The following INTS8 variants were observed in gnomAD, a reference collection of about 807,000 sequenced individuals.
INTS8 encodes protein kaonashi-1.
A neutral mutation model predicts 138.9 loss-of-function variants in INTS8; 47 were observed. That is an observed-to-expected ratio of 0.34 (90% CI 0.27 to 0.43). The LOEUF is 0.43. INTS8 is among the 20% of genes least tolerant of loss of function. The probability of loss-of-function intolerance (pLI) is 1.00; values close to 1 mark genes in which losing one functional copy is unlikely to be tolerated. For synonymous variants in INTS8, 392 were observed against 400.9 expected, an observed-to-expected ratio of 0.98 and a Z score of 0.27; for missense variants, 996 against 1,173.0, an observed-to-expected ratio of 0.85 and a Z score of 2.20.
chr8:94,861,606 G>A (rs1437356542), intron 16 of INTS8, among the ~76,000 whole-genome samples: 1 of 150,196 alleles, frequency 6.7e-6, no homozygotes, highest in African/African-American at 2.5e-5. Flanking sequence ...AGGCTGGCGT[G>A]CAATGGCACG....
intron 5 of INTS8, among the ~76,000 whole-genome samples, chr8:94,830,709 T>A (rs1814680808): frequency 6.6e-6 from 1 of 152,070 alleles, no homozygotes; most frequent in South Asian, 2.1e-4. Flanking sequence ...TGTTGTTCAG[T>A]CTGGTCTCGA....
chr8:94,834,362 GGTGTGTGTGT>G (rs35147334), intron 6 of INTS8, among the ~76,000 whole-genome samples: 17 of 144,570 alleles, frequency 1.2e-4, no homozygotes, highest in East Asian at 8.2e-4. Flanking sequence ...TATGTGCATG[GGTGTGTGTGT>G]GTGTGTGTGT....
chr8:94,825,173 C>G, intron 2 of INTS8, 106 bp downstream of exon 2: 1 of 771,980 alleles, frequency 1.3e-6, no homozygotes, highest in Middle Eastern at 4.1e-4. Context: ...ACGTGCTGGG[C>G]GCCGTGGCTC....
intron 20 of INTS8, among the ~76,000 whole-genome samples, chr8:94,869,667 A>AT (rs1816318622): frequency 6.6e-6 from 1 of 151,416 alleles, no homozygotes; most frequent in Non-Finnish European, 1.5e-5. Context: ...TAATTTTTGT[A>AT]TTTTTAGTAG....
Position 94,849,926 on chromosome 8 carries a change from C to CT in INTS8, c.1343dup (p.Leu450ValfsTer14), listed in dbSNP as rs1815469353. 1 of 1,608,210 alleles carries CT rather than the reference C, an allele frequency of 6.2e-7. No individual in the cohort carries two copies. Among genetic ancestry groups the CT allele is most frequent in the South Asian group, 1.1e-5 (1 of 90,100 alleles). On this transcript the variant is annotated frameshift_variant, in exon 12 of 27. Transcript: ENST00000523731. LOFTEE classifies it high-confidence loss of function. Reference sequence around the variant, plus strand: ...TTCTTACTGATCTAGGAATGTGTGTCTGGGGTTGGAAGATCTGCAGTATGT... The same window carrying CT: ...TTCTTACTGATCTAGGAATGTGTGTCTTGGGGTTGGAAGATCTGCAGTATGT...
At chr8:94,878,172 G>A (rs541717895) in intron 26 of INTS8, among the ~76,000 whole-genome samples, 2 of 152,034 alleles carry the variant, frequency 1.3e-5, no homozygotes, top group Non-Finnish European at 2.9e-5. Context: ...ATTGGAAAAA[G>A]TCCTACGACT....
intron 10 of INTS8, among the ~76,000 whole-genome samples, chr8:94,845,433 G>A (rs1473010072): frequency 1.3e-5 from 2 of 152,116 alleles, no homozygotes; most frequent in Non-Finnish European, 1.5e-5. Context: ...TCCATGTCCT[G>A]ATACCATCGA....
chr8:94,862,624 G>A (rs1816033339), intron 16 of INTS8, among the ~76,000 whole-genome samples: 1 of 152,188 alleles, frequency 6.6e-6, no homozygotes, highest in African/African-American at 2.4e-5. Context: ...TCCAAAAGGA[G>A]GAAGGATGTG....
Position 94,863,817 on chromosome 8 carries a change from G to A in INTS8, c.2077-1689G>A, listed in dbSNP as rs183822965. 5.3e-5 allele frequency among the ~76,000 whole-genome samples: 8 copies of A among 152,360 alleles called. No homozygotes were observed. In the East Asian group the frequency reaches 5.8e-4, roughly 11 times the overall value. The stretch of plus-strand genomic sequence containing the variant: ...CCCTGGCATTACACTGCAGTGAATA[G>A]CTGCATGTATTGTGATTCCATTTGT... On this transcript the variant is annotated intron_variant, in intron 16 of 26. Coordinates refer to ENST00000523731, the MANE Select transcript of INTS8 (RefSeq NM_017864.4).
At chr8:94,850,611 CAAAAAAAAAAA>C (rs11313192) in intron 12 of INTS8, among the ~76,000 whole-genome samples, 9 of 93,260 alleles carry the variant, frequency 9.7e-5, no homozygotes, top group Non-Finnish European at 1.9e-4. Context: ...GACTCCGACT[CAAAAAAAAAAA>C]AAAAAAAAAG....
At chr8:94,880,062 C>A in intron 26 of INTS8, 56 bp from the exon 27 acceptor site, 1 of 1,216,098 alleles carries the variant, frequency 8.2e-7, no homozygotes, top group Non-Finnish European at 1.2e-6. Context: ...TTACTTGTAC[C>A]AACAAAACTT....
chr8:94,875,408 T>C (rs1429415682), intron 23 of INTS8, among the ~76,000 whole-genome samples: 2 of 152,174 alleles, frequency 1.3e-5, no homozygotes, highest in African/African-American at 2.4e-5. Context: ...TCATATGAAA[T>C]GTTCAGAGTA....
chr8:94,850,472 CATG>C (rs1815494721), intron 12 of INTS8, among the ~76,000 whole-genome samples: 4 of 152,186 alleles, frequency 2.6e-5, no homozygotes, highest in African/African-American at 9.6e-5. Flanking sequence ...ATTAGCCAGG[CATG>C]GTGGTGGGCG....
intron 7 of INTS8, among the ~76,000 whole-genome samples, chr8:94,838,051 T>C (rs1254415794): frequency 6.6e-6 from 1 of 150,814 alleles, no homozygotes; most frequent in Non-Finnish European, 1.5e-5. Context: ...TTTCTTTTTT[T>C]TTTTTTTTTT....
intron 16 of INTS8, among the ~76,000 whole-genome samples, chr8:94,864,346 C>A (rs1404457951): frequency 1.3e-5 from 2 of 152,106 alleles, no homozygotes; most frequent in Non-Finnish European, 2.9e-5. Flanking sequence ...TGAAATTATC[C>A]TTGCTACTGC....
intron 20 of INTS8, among the ~76,000 whole-genome samples, chr8:94,869,297 T>G (rs1019547936): frequency 6.6e-6 from 1 of 151,892 alleles, no homozygotes; most frequent in Non-Finnish European, 1.5e-5. Context: ...TTGCATTTTT[T>G]AATTGGTGGT....
chr8:94,868,632 A>G (rs1816269614), intron 20 of INTS8: 1 of 152,042 alleles, frequency 6.6e-6, no homozygotes, highest in Non-Finnish European at 1.5e-5. Context: ...CCAATTCAAG[A>G]ATCAGGTAGA....
chr8:94,842,081 A>AT lies in INTS8; in HGVS notation c.1119-266_1119-265insT, dbSNP rs199517011. Among the ~76,000 whole-genome samples, 730 of 152,074 alleles carry AT rather than the reference A, an allele frequency of 4.8e-3. 3 individuals are homozygous for AT. The highest frequency in any genetic ancestry group is 0.016 in the African/African-American group (668 of 41,476). ...AAGACTCCGTCTCAAAAGAAAAAAA[A>AT]AAAAAAACTGCTTGGGAGAAAAATT... On this transcript the variant is annotated intron_variant, in intron 9 of 26. Transcript: ENST00000523731.
intron 8 of INTS8, among the ~76,000 whole-genome samples, chr8:94,840,501 C>A (rs1815093776): frequency 6.6e-6 from 1 of 150,480 alleles, no homozygotes; most frequent in Non-Finnish European, 1.5e-5. Context: ...TATTTTAAAT[C>A]ATTTAAATTT....
Sources: allele counts gnomAD v4.1 joint callset (sites outside exome capture counted in the v4.1 genomes callset), GRCh38; gene constraint gnomAD v4.1.1; transcripts MANE v1.5; gene names NCBI Gene and HGNC (gene_info 2026-07-23, HGNC 2026-07-21).